Variants in TMEM50A observed in about 807,000 individuals in gnomAD.
TMEM50A encodes the protein transmembrane protein 50A.
A neutral mutation model predicts 23.9 loss-of-function variants in TMEM50A; 8 were observed. That is an observed-to-expected ratio of 0.33 (90% CI 0.20 to 0.60). The LOEUF is 0.60. Among genes scored for constraint, TMEM50A ranks in the 20% least tolerant of loss-of-function variants. TMEM50A has a pLI of 0.81. For missense variants in TMEM50A, 178 were observed against 192.7 expected, an observed-to-expected ratio of 0.92 and a Z score of 0.45; for synonymous variants, 55 against 60.4, an observed-to-expected ratio of 0.91 and a Z score of 0.41.
At position 25,346,538 on chromosome 1, in the gene TMEM50A, T is replaced by TG. The variant is rs1211294713; in HGVS notation, c.206+3466dup. ...AGCCTCCCCAGTAGCTAGGACTACTTGCACATACCACCACACCCAGCTATT... is the reference window on the plus strand; with the variant it reads ...AGCCTCCCCAGTAGCTAGGACTACTTGGCACATACCACCACACCCAGCTATT... On this transcript the variant is annotated intron_variant, in intron 3 of 6. Transcript: ENST00000374358. Among the ~76,000 whole-genome samples the TG allele has an allele frequency of 3.0e-4, 46 of 152,194 alleles. No homozygotes were observed. The East Asian group carries it at 8.7e-3, about 29-fold the overall frequency.
chr1:25,340,877 G>A (rs1645160102), intron 2 of TMEM50A, among the ~76,000 whole-genome samples: 1 of 152,104 alleles, frequency 6.6e-6, no homozygotes, highest in African/African-American at 2.4e-5. Context: ...ACAAGGAAGT[G>A]TTTAAGACGC....
intron 3 of TMEM50A, among the ~76,000 whole-genome samples, chr1:25,343,878 G>C (rs1372201982): frequency 2.0e-5 from 3 of 152,154 alleles, no homozygotes; most frequent in Non-Finnish European, 4.4e-5. Context: ...CAAGATCAAG[G>C]GAAAGAGAAA....
rs774468289 is a variant in TMEM50A, at chr1:25,352,917, GC to G, written c.312del (p.Phe105LeufsTer4). 4.3e-6 allele frequency: 7 copies of G among 1,613,452 alleles called. No individual in the cohort carries two copies. Among genetic ancestry groups the G allele is most frequent in the Non-Finnish European group, 5.9e-6 (7 of 1,179,836 alleles). ...RIWLFVGFML[A>X]FGSLIASMWI... ...TTGGCTTTTCGTTGGTTTCATGTTG[GC>G]CTTTGGATCTCTGATTGCATCTATG... On this transcript the variant is annotated frameshift_variant, in exon 5 of 7. Transcript: ENST00000374358. LOFTEE classifies it high-confidence loss of function.
At chr1:25,357,598 G>C (rs1331187109) in intron 6 of TMEM50A, among the ~76,000 whole-genome samples, 1 of 140,606 alleles carries the variant, frequency 7.1e-6, no homozygotes, top group African/African-American at 2.7e-5. Flanking sequence ...CAGAGTCTCA[G>C]TCTCTCACCC....
At chr1:25,343,778 G>A (rs1041411231) in intron 3 of TMEM50A, among the ~76,000 whole-genome samples, 2 of 152,164 alleles carry the variant, frequency 1.3e-5, no homozygotes, top group Non-Finnish European at 2.9e-5. Context: ...CTGACCAGGG[G>A]ATGGGGATAT....
In TMEM50A at chr1:25,340,542, AGCGCAATACTATT is replaced by A. The variant is rs1430747688; in HGVS notation, c.59_71del (p.Arg20LeufsTer17). ...TCAGAATGCATTGACTGGGGGGAAA[AGCGCAATACTATT>A]GCTTCCATTGCTGCTGGTGTACTAG... On this transcript the variant is annotated frameshift_variant, in exon 2 of 7. Transcript: ENST00000374358. LOFTEE classifies it high-confidence loss of function. 6.2e-7 allele frequency: 1 copy of A among 1,613,638 alleles called. No homozygotes were observed. Among genetic ancestry groups the A allele is most frequent in the Non-Finnish European group, 8.5e-7 (1 of 1,179,926 alleles).
At chr1:25,356,719 T>G (rs1645336681) in intron 5 of TMEM50A, 74 bp from the exon 6 acceptor site, 1 of 1,104,590 alleles carries the variant, frequency 9.1e-7, no homozygotes, top group African/African-American at 1.6e-5. Context: ...GCAGGAAAAC[T>G]GGTATTTGCC....
chr1:25,348,514 G>A (rs1029849805), intron 3 of TMEM50A, among the ~76,000 whole-genome samples: 14 of 152,072 alleles, frequency 9.2e-5, no homozygotes, highest in African/African-American at 2.7e-4. Flanking sequence ...ATGAAGCCCC[G>A]TCTCTACTAA....
intron 1 of TMEM50A, among the ~76,000 whole-genome samples, chr1:25,339,490 G>C (rs948838206): frequency 3.4e-4 from 52 of 152,214 alleles, no homozygotes; most frequent in Non-Finnish European, 6.3e-4. Context: ...CTTGCAGAAA[G>C]AAAAATAATG....
At chr1:25,350,997 TAAA>T (rs1645269809) in intron 3 of TMEM50A, among the ~76,000 whole-genome samples, 2 of 151,232 alleles carry the variant, frequency 1.3e-5, no homozygotes, top group South Asian at 4.2e-4. Context: ...CCATCTCTAC[TAAA>T]AATACAAAAA....
chr1:25,358,208 A>C (rs1228450606), intron 6 of TMEM50A, among the ~76,000 whole-genome samples: 1 of 152,118 alleles, frequency 6.6e-6, no homozygotes, highest in Non-Finnish European at 1.5e-5. Flanking sequence ...CGGCCTCCCA[A>C]AGTGCTGGGA....
At chr1:25,349,305 A>G (rs754036937) in intron 3 of TMEM50A, among the ~76,000 whole-genome samples, 19 of 152,184 alleles carry the variant, frequency 1.2e-4, no homozygotes, top group Admixed American at 2.0e-4. Flanking sequence ...ATAGCAGAGA[A>G]CAAATAGAGA....
At chr1:25,356,160 T>A (rs1451548451) in intron 5 of TMEM50A, among the ~76,000 whole-genome samples, 1 of 152,196 alleles carries the variant, frequency 6.6e-6, no homozygotes, top group Non-Finnish European at 1.5e-5. Context: ...TTAAAATATG[T>A]CATCTCAGAT....
At chr1:25,341,283 A>C (rs1645165265) in intron 2 of TMEM50A, among the ~76,000 whole-genome samples, 1 of 151,442 alleles carries the variant, frequency 6.6e-6, no homozygotes, top group Non-Finnish European at 1.5e-5. Context: ...TTTGAGACGG[A>C]GTCTCAGTCT....
intron 3 of TMEM50A, among the ~76,000 whole-genome samples, chr1:25,350,218 G>A (rs1171284065): frequency 6.6e-6 from 1 of 152,070 alleles, no homozygotes; most frequent in Admixed American, 6.6e-5. Context: ...TTATTCCAAA[G>A]CCAATTTTAA....
At chr1:25,355,124 C>T (rs563766802) in intron 5 of TMEM50A, among the ~76,000 whole-genome samples, 2 of 152,152 alleles carry the variant, frequency 1.3e-5, no homozygotes, top group African/African-American at 2.4e-5. Flanking sequence ...GTCTGGCTAA[C>T]ATGGCAAAAC....
chr1:25,355,999 AACC>A (rs546543741), intron 5 of TMEM50A, among the ~76,000 whole-genome samples: 241 of 152,272 alleles, frequency 1.6e-3, no homozygotes, highest in Non-Finnish European at 2.7e-3. Flanking sequence ...TCCTGAGTCT[AACC>A]ACCATTTACC....
At chr1:25,345,118 T>A (rs546910986) in intron 3 of TMEM50A, among the ~76,000 whole-genome samples, 33 of 146,186 alleles carry the variant, frequency 2.3e-4, no homozygotes, top group African/African-American at 8.0e-4. Context: ...TTACCACATC[T>A]TCTTTTTTTT....
intron 3 of TMEM50A, among the ~76,000 whole-genome samples, chr1:25,344,284 T>C (rs1378044063): frequency 1.3e-5 from 2 of 152,178 alleles, no homozygotes; most frequent in African/African-American, 2.4e-5. Context: ...ATGGAAGCCA[T>C]TGGAAGGTTT....
Sources: gnomAD v4.1 joint callset for allele counts (sites outside exome capture counted in the v4.1 genomes callset) on GRCh38, gnomAD v4.1.1 for gene constraint, MANE v1.5 for transcripts, NCBI Gene and HGNC (gene_info 2026-07-23, HGNC 2026-07-21) for gene names.